Variants in SNX9 observed in about 807,000 individuals in gnomAD.
SNX9 encodes the protein sorting nexin 9, also known as sorting nexin-9.
In SNX9, 44 loss-of-function variants were observed where a neutral mutation model predicts 89.4. That is an observed-to-expected ratio of 0.49 (90% confidence interval 0.39 to 0.63). The LOEUF is 0.63. SNX9 is among the 30% of genes least tolerant of loss of function. The pLI, the probability that SNX9 is intolerant of heterozygous loss-of-function variation, is 0.00. For missense variants in SNX9, 578 were observed against 736.1 expected (o/e 0.79, Z 2.49); for synonymous variants, 236 against 247.8 (o/e 0.95, Z 0.45).
chr6:157,871,103 G>A (rs1402112662), intron 2 of SNX9, among the ~76,000 whole-genome samples: 2 of 152,214 alleles, frequency 1.3e-5, no homozygotes, highest in African/African-American at 2.4e-5. Context: ...AATCGGCCAG[G>A]TGCAGTGGCT....
chr6:157,851,535 A>G (rs911035528), intron 1 of SNX9, among the ~76,000 whole-genome samples: 2 of 151,856 alleles, frequency 1.3e-5, no homozygotes, highest in African/African-American at 4.8e-5. Flanking sequence ...CCCCCATTCT[A>G]CTTTCTGGCT....
chr6:157,872,615 C>T (rs992287558), intron 2 of SNX9: 1 of 152,620 alleles, frequency 6.6e-6, no homozygotes, highest in Non-Finnish European at 1.5e-5. Flanking sequence ...CATCATCTAG[C>T]AACCCACATT....
At chr6:157,918,825 T>A (rs187519025) in intron 9 of SNX9, among the ~76,000 whole-genome samples, 40 of 152,216 alleles carry the variant, frequency 2.6e-4, no homozygotes, top group Admixed American at 4.6e-4. Flanking sequence ...TTTAGATTAA[T>A]ATTAATTCCA....
rs181728089 is a variant in SNX9, at chr6:157,865,954, A to T, written c.13-1593A>T. 1.6e-4 allele frequency among the ~76,000 whole-genome samples: 25 copies of T among 152,354 alleles called. No individual in the cohort carries two copies. The East Asian group carries it at 4.8e-3, about 29-fold the overall frequency. On this transcript the variant is annotated intron_variant, in intron 1 of 17. Transcript: ENST00000392185. ...AACTTGAATTTGCCTTTGAGGACAA[A>T]CAATTACTTTTAAACCATATGTTTC...
At chr6:157,833,683 G>A (rs1025257859) in intron 1 of SNX9, among the ~76,000 whole-genome samples, 10 of 152,332 alleles carry the variant, frequency 6.6e-5, no homozygotes, top group African/African-American at 1.9e-4. Context: ...AAGAGGCAGG[G>A]TGGTTAATTC....
chr6:157,890,250 C>A (rs886482055), intron 4 of SNX9, among the ~76,000 whole-genome samples: 1 of 152,204 alleles, frequency 6.6e-6, no homozygotes, highest in East Asian at 1.9e-4. Context: ...CATGGGTGTG[C>A]GTGTCCGTCT....
intron 1 of SNX9, among the ~76,000 whole-genome samples, chr6:157,838,446 G>A (rs1367163043): frequency 4.6e-5 from 7 of 152,092 alleles, no homozygotes; most frequent in Admixed American, 1.3e-4. Context: ...CTTCCATTAG[G>A]TGTACGGTTG....
intron 4 of SNX9, among the ~76,000 whole-genome samples, chr6:157,886,670 T>C (rs2115152901): frequency 6.6e-6 from 1 of 152,326 alleles, no homozygotes; most frequent in Non-Finnish European, 1.5e-5. Flanking sequence ...CAGCTGGAGC[T>C]AGTTAATTAT....
intron 1 of SNX9, among the ~76,000 whole-genome samples, chr6:157,826,037 T>C (rs1188700965): frequency 6.6e-6 from 1 of 152,192 alleles, no homozygotes; most frequent in Non-Finnish European, 1.5e-5. Context: ...ATCAGAGACT[T>C]GGCTATAGTA....
At chr6:157,938,145 T>C (rs1783963947) in intron 15 of SNX9, among the ~76,000 whole-genome samples, 1 of 152,192 alleles carries the variant, frequency 6.6e-6, no homozygotes, top group Admixed American at 6.5e-5. Context: ...TCTGAGTCTT[T>C]AAATGGATTC....
At chr6:157,898,376 G>A (rs557846861) in intron 5 of SNX9, among the ~76,000 whole-genome samples, 10 of 152,322 alleles carry the variant, frequency 6.6e-5, no homozygotes, top group African/African-American at 1.9e-4. Context: ...CCCTGCTGTC[G>A]CCCGTGGATC....
intron 1 of SNX9, among the ~76,000 whole-genome samples, chr6:157,828,047 A>G (rs1007675148): frequency 6.6e-6 from 1 of 152,170 alleles, no homozygotes; most frequent in Non-Finnish European, 1.5e-5. Context: ...CATACTTTGT[A>G]GCCCCTCCAG....
chr6:157,910,476 A>G (rs767880945), intron 9 of SNX9, among the ~76,000 whole-genome samples: 16 of 152,260 alleles, frequency 1.1e-4, no homozygotes, highest in Non-Finnish European at 1.8e-4. Context: ...CAGAGAAGCC[A>G]CAGAACTACT....
In SNX9 at chr6:157,927,199, T is replaced by C. The variant is rs1783712047; in HGVS notation, c.1169T>C (p.Leu390Ser). The C allele has an allele frequency of 1.9e-6, 3 of 1,612,854 alleles. No homozygotes were observed. In the Admixed American group the frequency reaches 5.0e-5, roughly 27 times the overall value. ...FSTMEPEAPD[L>S]DLVEIEQKCE... ...ACCATGGAACCAGAGGCACCTGACT[T>C]GGACTTAGTAGAAATGTGAGAGACG... The change falls in exon 11 of 18, where the codon TTG (leucine) becomes TCG (serine). Residue 390 changes from leucine (L) to serine (S), a missense_variant. Transcript: ENST00000392185.
At chr6:157,906,433 A>G (rs184834974) in intron 7 of SNX9, among the ~76,000 whole-genome samples, 1 of 152,338 alleles carries the variant, frequency 6.6e-6, no homozygotes, top group Admixed American at 6.5e-5. Flanking sequence ...TCAGACTTTT[A>G]GTATTGAACA....
At chr6:157,935,871 TA>T (rs2115215488) in intron 13 of SNX9, 92 bp from the exon 14 acceptor site, 1 of 904,480 alleles carries the variant, frequency 1.1e-6, no homozygotes, top group Non-Finnish European at 1.6e-6. Context: ...GTTTCTATAA[TA>T]AAATTTACCA....
At chr6:157,941,358 C>T (rs892264776) in intron 17 of SNX9, among the ~76,000 whole-genome samples, 4 of 152,144 alleles carry the variant, frequency 2.6e-5, no homozygotes, top group African/African-American at 7.2e-5. Context: ...AGCCTGGCAC[C>T]ACACAGGAAA....
At chr6:157,866,334 A>G (rs987910019) in intron 1 of SNX9, among the ~76,000 whole-genome samples, 3 of 152,164 alleles carry the variant, frequency 2.0e-5, no homozygotes, top group Non-Finnish European at 2.9e-5. Context: ...CTGTAACCCA[A>G]ATACTTTGAG....
At chr6:157,941,000 G>C in intron 17 of SNX9, 26 bp downstream of exon 17, 1 of 1,595,790 alleles carries the variant, frequency 6.3e-7, no homozygotes, top group Non-Finnish European at 8.6e-7. Context: ...CGTGCCTTTC[G>C]CATGTGCTTG....
Sources: allele counts gnomAD v4.1 joint callset (sites outside exome capture counted in the v4.1 genomes callset), GRCh38; gene constraint gnomAD v4.1.1; transcripts MANE v1.5; gene names NCBI Gene and HGNC (gene_info 2026-07-23, HGNC 2026-07-21).